The following PINX1 variants were observed in gnomAD, a reference collection of about 807,000 sequenced individuals.
PINX1 encodes PIN2/TERF1-interacting telomerase inhibitor 1.
A neutral mutation model predicts 25.4 loss-of-function variants in PINX1; 34 were observed. The ratio of observed to expected loss-of-function variants is 1.34; its 90% CI spans 1.02 to 1.78. The LOEUF is 1.78. Among genes scored for constraint, PINX1 ranks in the 40% most tolerant of loss-of-function variants. PINX1 has a pLI of 0.00. For missense variants in PINX1, 592 were observed against 404.9 expected (o/e 1.46, Z -3.97); for synonymous variants, 197 against 147.7 (o/e 1.33, Z -2.42).
At chr8:10,793,493 A>C (rs1801988262) in intron 6 of PINX1, among the ~76,000 whole-genome samples, 1 of 152,150 alleles carries the variant, frequency 6.6e-6, no homozygotes, top group Non-Finnish European at 1.5e-5. Context: ...CATTTAAAAG[A>C]CTTTACGAAT....
intron 6 of PINX1, among the ~76,000 whole-genome samples, chr8:10,775,410 G>GTTTTTTTTTT (rs143926728): frequency 1.2e-4 from 13 of 109,614 alleles, no homozygotes; most frequent in Non-Finnish European, 1.7e-4. Flanking sequence ...CTGTTTTGTG[G>GTTTTTTTTTT]TTTTTTTTTT....
chr8:10,837,797 A>T (rs1277017872), intron 1 of PINX1, among the ~76,000 whole-genome samples: 2 of 152,228 alleles, frequency 1.3e-5, no homozygotes, highest in Non-Finnish European at 2.9e-5. Flanking sequence ...CAGAGGCAGA[A>T]GTTTTAAACA....
At position 10,765,198 on chromosome 8, in the gene PINX1, C is replaced by A; in HGVS notation, c.*203G>T. The A allele has an allele frequency of 1.8e-6, 1 of 545,472 alleles. No homozygotes were observed. The highest frequency in any genetic ancestry group is 3.2e-6 in the Non-Finnish European group (1 of 313,122). 33.8% of individuals were successfully genotyped at this position (545,472 alleles called of 1,614,324 possible). A position where few individuals can be genotyped will look rare whatever the true frequency, so the allele number is the denominator to read the frequency against. On this transcript the variant is annotated 3_prime_UTR_variant, in exon 7 of 7. Transcript: ENST00000314787. The stretch of plus-strand genomic sequence containing the variant: ...AAAATTTATTTGTGTCTGAGAGCCA[C>A]GATTGAGAACATTAAAAAGGTCCTC...
chr8:10,817,726 G>T (rs1454386604), intron 6 of PINX1, among the ~76,000 whole-genome samples: 1 of 152,078 alleles, frequency 6.6e-6, no homozygotes, highest in Non-Finnish European at 1.5e-5. Flanking sequence ...CTCAGCCCCC[G>T]CCCAGGCTTC....
At chr8:10,819,723 T>G (rs191969857) in intron 6 of PINX1, among the ~76,000 whole-genome samples, 1 of 152,206 alleles carries the variant, frequency 6.6e-6, no homozygotes, top group Non-Finnish European at 1.5e-5. Flanking sequence ...AACCCCCTTA[T>G]AGATGGTGCT....
chr8:10,787,661 A>T (rs543008046), intron 6 of PINX1: 1 of 330,638 alleles, frequency 3.0e-6, no homozygotes, highest in South Asian at 2.6e-5. Context: ...ATTAAGGATA[A>T]ATGTGGATTC....
chr8:10,826,419 G>C (rs11776767), intron 4 of PINX1, among the ~76,000 whole-genome samples, 175 bp from the exon 5 acceptor site: 65,759 of 152,074 alleles, frequency 0.43, 15,965 homozygotes, highest in African/African-American at 0.66. Flanking sequence ...TTTCTTTCTA[G>C]GAGTCAAATG....
intron 5 of PINX1, among the ~76,000 whole-genome samples, chr8:10,825,053 G>C (rs1008889470): frequency 3.3e-5 from 5 of 152,152 alleles, no homozygotes; most frequent in African/African-American, 1.2e-4. Context: ...GGCTGCTGGA[G>C]AGGGAAGGGA....
chr8:10,787,345 G>A (rs1312338823), intron 6 of PINX1, among the ~76,000 whole-genome samples: 1 of 151,726 alleles, frequency 6.6e-6, no homozygotes. Context: ...TCCCACCACA[G>A]CCCCCCAAGG....
In PINX1 at chr8:10,826,217, G is replaced by T; in HGVS notation, c.329C>A (p.Ser110Tyr). Residue 110 changes from serine to tyrosine, a missense_variant, in exon 5 of 7, where the codon TCT becomes TAT. Ser to Tyr is a moderately radical substitution (Grantham distance 144, BLOSUM62 -2). Coordinates refer to ENST00000314787, the MANE Select transcript of PINX1 (RefSeq NM_017884.6). ...TDSSDKKEKK[S>Y]FSLEEKSKIS... is the part of the protein sequence containing the mutation. ...TTTGGACTTTTCCTCAAGGCTAAAA[G>T]ATTTCTTTTCCTTCTTGTCCGAGGA... 1.3e-6 allele frequency: 2 copies of T among 1,591,142 alleles called. No homozygotes were observed. Among genetic ancestry groups the T allele is most frequent in the South Asian group, 1.1e-5 (1 of 88,536 alleles).
At chr8:10,805,984 CGG>C (rs1802438860) in intron 6 of PINX1, among the ~76,000 whole-genome samples, 1 of 27,542 alleles carries the variant, frequency 3.6e-5, no homozygotes, top group African/African-American at 3.2e-4. Flanking sequence ...GAGTGGGTGA[CGG>C]AGCACAGGAA....
At chr8:10,831,407 T>A (rs1798222648) in intron 4 of PINX1, among the ~76,000 whole-genome samples, 1 of 152,194 alleles carries the variant, frequency 6.6e-6, no homozygotes, top group Non-Finnish European at 1.5e-5. Context: ...AATATTTTAT[T>A]TTATATTTTC....
rs1254781823 is a variant in PINX1 at position 10,765,567 on chromosome 8, G to C, written c.821C>G (p.Ala274Gly). The change falls in exon 7 of 7, where the codon GCT (alanine) becomes GGT (glycine). Residue 274 changes from alanine to glycine, a missense_variant. Ala to Gly is a moderately conservative substitution (Grantham distance 60). Transcript: ENST00000314787. ...CTGCACATGGTCCCCTGCATCCTGA[G>C]CAGAGGCCTTGGAACTCTGGTCCCA... ...PCWDQSSKAS[A>G]QDAGDHVQPP... The C allele has an allele frequency of 6.2e-7, 1 of 1,613,732 alleles. No individual in the cohort carries two copies. The highest frequency in any genetic ancestry group is 8.5e-7 in the Non-Finnish European group (1 of 1,179,894).
At chr8:10,807,790 G>A (rs914106280) in intron 6 of PINX1, among the ~76,000 whole-genome samples, 94 of 152,272 alleles carry the variant, frequency 6.2e-4, no homozygotes, top group African/African-American at 2.1e-3. Flanking sequence ...GAAAGCTGTG[G>A]AAGATGAGTG....
At chr8:10,794,830 G>C (rs1802037708) in intron 6 of PINX1, among the ~76,000 whole-genome samples, 2 of 152,124 alleles carry the variant, frequency 1.3e-5, no homozygotes, top group Admixed American at 1.3e-4. Flanking sequence ...ATTCCATTTT[G>C]TTTTTAGTGA....
At chr8:10,822,139 C>A (rs1358238574) in intron 5 of PINX1, 1 of 152,044 alleles carries the variant, frequency 6.6e-6, no homozygotes, top group Non-Finnish European at 1.5e-5. Flanking sequence ...AAAACAAGAA[C>A]ACAGAGAAGA....
intron 6 of PINX1, among the ~76,000 whole-genome samples, chr8:10,801,853 C>T (rs997689758): frequency 2.0e-5 from 3 of 152,174 alleles, no homozygotes; most frequent in Admixed American, 6.5e-5. Context: ...GATAAAGGAA[C>T]CTCCATCGCT....
At chr8:10,808,625 G>T (rs1216303088) in intron 6 of PINX1, among the ~76,000 whole-genome samples, 1 of 152,156 alleles carries the variant, frequency 6.6e-6, no homozygotes, top group African/African-American at 2.4e-5. Flanking sequence ...GTCCAGTAGC[G>T]CAGTGCTAGC....
intron 6 of PINX1, among the ~76,000 whole-genome samples, chr8:10,817,263 A>C (rs77324658): frequency 9.2e-5 from 14 of 152,158 alleles, no homozygotes; most frequent in African/African-American, 3.4e-4. Flanking sequence ...CTGCAATGCC[A>C]AATATAAATC....
Sources: gnomAD v4.1 joint callset for allele counts (sites outside exome capture counted in the v4.1 genomes callset) on GRCh38, gnomAD v4.1.1 for gene constraint, MANE v1.5 for transcripts, NCBI Gene and HGNC (gene_info 2026-07-23, HGNC 2026-07-21) for gene names.